The following PAN2 variants were observed in gnomAD, a reference collection of about 807,000 sequenced individuals.
PAN2 encodes poly(A) specific ribonuclease subunit PAN2.
In PAN2, 68 loss-of-function variants were observed where a neutral mutation model predicts 133.3. The ratio of observed to expected loss-of-function variants is 0.51; its 90% confidence interval spans 0.42 to 0.62. The LOEUF (loss-of-function observed/expected upper bound fraction) is 0.62, where lower values mean the gene tolerates loss of function less well. PAN2 is among the 20% of genes least tolerant of loss of function. The pLI is 0.00. For synonymous variants in PAN2, 462 were observed against 544.6 expected, an observed-to-expected ratio of 0.85 and a Z score of 2.11; for missense variants, 1,042 against 1,500.5, an observed-to-expected ratio of 0.69 and a Z score of 5.05.
At chr12:56,331,512 G>GT (rs1196304477) in intron 2 of PAN2, among the ~76,000 whole-genome samples, 1 of 152,194 alleles carries the variant, frequency 6.6e-6, no homozygotes, top group African/African-American at 2.4e-5. Flanking sequence ...TTTTGTATAT[G>GT]TTTTTTACCT....
chr12:56,320,771 G>A (rs12301786), intron 20 of PAN2, among the ~76,000 whole-genome samples: 30 of 96,032 alleles, frequency 3.1e-4, no homozygotes, highest in Admixed American at 5.4e-4. Flanking sequence ...TTTTTTTTAA[G>A]ACAGGGTCTC....
chr12:56,324,589 G>A lies in PAN2; in HGVS notation c.1720C>T (p.Pro574Ser). The part of the protein sequence containing the change: ...FHMLDLSRGD[P>S]CQGNNFLRAF... The stretch of plus-strand genomic sequence containing the variant: ...TGTCTCCAAGTACTGACCTGGCAAG[G>A]GTCACCACGAGAGAGGTCCAACATG... Residue 574 changes from proline to serine, a missense_variant, in exon 11 of 26, where the codon CCT becomes TCT. Physicochemically the swap from Pro to Ser is moderately conservative, Grantham distance 74. Coordinates refer to ENST00000440411, the MANE Select transcript of PAN2 (RefSeq NM_014871.6). 1 of 1,613,906 alleles carries A rather than the reference G, an allele frequency of 6.2e-7. No homozygotes were observed. The highest frequency in any genetic ancestry group is 8.5e-7 in the Non-Finnish European group (1 of 1,179,908).
intron 12 of PAN2, 28 bp from the exon 13 acceptor site, chr12:56,324,213 C>A: frequency 6.2e-7 from 1 of 1,612,596 alleles, no homozygotes; most frequent in South Asian, 1.1e-5. Context: ...GATATATGCA[C>A]ATTGAGGAAG....
chr12:56,317,744 G>A, intron 25 of PAN2, 101 bp from the exon 26 acceptor site: 1 of 928,812 alleles, frequency 1.1e-6, no homozygotes, highest in African/African-American at 1.6e-5. Flanking sequence ...AAAGGGCATG[G>A]ACCTTCCCTG....
intron 11 of PAN2, 23 bp from the exon 12 acceptor site, chr12:56,324,516 G>T: frequency 6.2e-7 from 1 of 1,612,536 alleles, no homozygotes; most frequent in Non-Finnish European, 8.5e-7. Context: ...TGGTGGAAAG[G>T]GGTTATTTTG....
chr12:56,318,690 TTTTA>T (rs1438901494), intron 24 of PAN2: 7 of 468,318 alleles, frequency 1.5e-5, no homozygotes, highest in African/African-American at 2.0e-5. Flanking sequence ...CCCCCCATGC[TTTTA>T]TTTTTTATAT....
At position 56,325,095 on chromosome 12, in the gene PAN2, C is replaced by T. The variant is rs761628116; in HGVS notation, c.1513G>A (p.Asp505Asn). 2.5e-6 allele frequency: 4 copies of T among 1,613,750 alleles called. No homozygotes were observed. The South Asian group carries it at 3.3e-5, about 13-fold the overall frequency. ...TIKYSKLGLE[D>N]FDFKHYNKTL... ...TTATTGTAGTGTTTGAAGTCAAAGTCCTCCAGCCCTAGCTTGGAATATTTG... is the reference window on the plus strand; with the variant it reads ...TTATTGTAGTGTTTGAAGTCAAAGTTCTCCAGCCCTAGCTTGGAATATTTG... Residue 505 changes from aspartate (D) to asparagine (N), a missense_variant, in exon 10 of 26, where the codon GAC (aspartate) becomes AAC (asparagine). Asp to Asn is a conservative substitution (Grantham distance 23). Around this residue, in one of 3 missense-constraint regions of PAN2, gnomAD observed 908 missense variants for 1,223.5 expected, o/e 0.74. Coordinates refer to ENST00000440411, the MANE Select transcript of PAN2 (RefSeq NM_014871.6).
rs752756754 is a variant in PAN2, at chr12:56,326,401, G to A, written c.1271C>T (p.Pro424Leu). ...ANSAPAPRRA[P>L]PVDAEILRTM... ...GCGCAGAATCTCTGCATCCACGGGTGGTGCTCGCCTACAATCCAGCATAGT... is the reference window on the plus strand; with the variant it reads ...GCGCAGAATCTCTGCATCCACGGGTAGTGCTCGCCTACAATCCAGCATAGT... The change falls in exon 8 of 26, where the codon CCA becomes CTA. Residue 424 changes from proline (P) to leucine (L), a missense_variant. This residue lies in a region of PAN2 where 908 missense variants were observed against 1,223.5 expected (regional missense o/e 0.74). Transcript: ENST00000440411. The A allele has an allele frequency of 6.3e-7, 1 of 1,590,986 alleles. No homozygotes were observed. Among genetic ancestry groups the A allele is most frequent in the South Asian group, 1.1e-5 (1 of 89,034 alleles).
intron 14 of PAN2, 97 bp from the exon 15 acceptor site, chr12:56,323,695 C>A: frequency 1.4e-6 from 2 of 1,401,924 alleles, no homozygotes; most frequent in Non-Finnish European, 2.0e-6. Flanking sequence ...GGATTCCTCA[C>A]TCCACCAGAG....
intron 2 of PAN2, among the ~76,000 whole-genome samples, chr12:56,332,411 G>T (rs1875987388): frequency 6.6e-6 from 1 of 152,000 alleles, no homozygotes; most frequent in Non-Finnish European, 1.5e-5. Context: ...AGACAAGCCT[G>T]GGCAACATAG....
rs192249493 is a variant in PAN2, at chr12:56,322,677, G to A, written c.2575C>T (p.Arg859Cys). ...TGAGCCACCAGGCTGCCCCCTGTGC[G>A]TGAGTCCAGGATGTGTACCACAGTA... is the stretch of plus-strand genomic sequence containing the variant. ...MATVVHILDS[R>C]TGGSLVAHIK... Residue 859 changes from arginine (R) to cysteine (C), a missense_variant, in exon 18 of 26, where the codon CGC (arginine) becomes TGC (cysteine). Transcript: ENST00000440411. 1.2e-4 allele frequency: 193 copies of A among 1,614,154 alleles called. No homozygotes were observed. The Admixed American group carries it at 1.6e-3, about 14-fold the overall frequency.
chr12:56,332,568 C>T (rs1023675075), intron 2 of PAN2, among the ~76,000 whole-genome samples: 1 of 147,640 alleles, frequency 6.8e-6, no homozygotes, highest in Non-Finnish European at 1.5e-5. Context: ...CCATTGCACT[C>T]TGGCCTAGGC....
At chr12:56,322,536 CTG>C in intron 18 of PAN2, 54 bp from the exon 19 acceptor site, 1 of 1,610,148 alleles carries the variant, frequency 6.2e-7, no homozygotes, top group Non-Finnish European at 8.5e-7. Flanking sequence ...CTGGACCACT[CTG>C]TCTCAGACTC....
Position 56,322,414 on chromosome 12 carries a change from G to T in PAN2, c.2697+9C>A, listed in dbSNP as rs1394959293. The T allele has an allele frequency of 1.2e-6, 2 of 1,601,452 alleles. No homozygotes were observed. Among genetic ancestry groups the T allele is most frequent in the Non-Finnish European group, 1.7e-6 (2 of 1,168,600 alleles). On this transcript the variant is annotated intron_variant, in intron 19 of 25. Transcript: ENST00000440411. ...AATGAAAGAAGAAACAGAACATGTT[G>T]CAACTAACCTTATCAATAGGTTCAA... is the stretch of plus-strand genomic sequence containing the variant.
Position 56,323,398 on chromosome 12 carries a change from A to G in PAN2, c.2272-14T>C, listed in dbSNP as rs1314334428. ...CTTGAAGGCAACCTGAACACAGAAG[A>G]AAAACATCCAGTTCTTCAGGAATGT... On this transcript the variant is annotated splice_polypyrimidine_tract_variant and intron_variant, in intron 15 of 25. Coordinates refer to ENST00000440411, the MANE Select transcript of PAN2 (RefSeq NM_014871.6). 2 of 1,612,442 alleles carry G rather than the reference A, an allele frequency of 1.2e-6. No individual in the cohort carries two copies. The highest frequency in any genetic ancestry group is 1.7e-6 in the Non-Finnish European group (2 of 1,179,466).
rs1874620022 is a variant in PAN2, at chr12:56,322,144, T to G, written c.2722A>C (p.Asn908His). 9 of 1,607,930 alleles carry G rather than the reference T, an allele frequency of 5.6e-6. No homozygotes were observed. In the African/African-American group the frequency reaches 6.7e-5, roughly 12 times the overall value. ...DKHEAVQFDM[N>H]WKVPAILYYV... ...TAAAGGATTGCAGGTACTTTCCAATTCATGTCAAACTGCACAGCTTCATGC... is the reference window on the plus strand; with the variant it reads ...TAAAGGATTGCAGGTACTTTCCAATGCATGTCAAACTGCACAGCTTCATGC... Residue 908 changes from asparagine to histidine, a missense_variant, in exon 20 of 26, where the codon AAT (asparagine) becomes CAT (histidine). Asn to His is a moderately conservative substitution (Grantham distance 68, BLOSUM62 1). Transcript: ENST00000440411.
chr12:56,328,579 G>C lies in PAN2; in HGVS notation c.345C>G (p.Gly115=), dbSNP rs1875379883. Residue 115 remains glycine, a synonymous_variant, in exon 3 of 26, where the codon GGC becomes GGG. Coordinates refer to ENST00000440411, the MANE Select transcript of PAN2 (RefSeq NM_014871.6). The part of the protein sequence containing the change: ...LERYSSFQVN[G]SDDIRQIQSL... ...TCTGGATCTGCCGAATATCATCACTGCCATTGACTTGAAAGGATGAGTAGC... is the reference window on the plus strand; with the variant it reads ...TCTGGATCTGCCGAATATCATCACTCCCATTGACTTGAAAGGATGAGTAGC... The C allele has an allele frequency of 6.2e-7, 1 of 1,614,016 alleles. No homozygotes were observed. Among genetic ancestry groups the C allele is most frequent in the African/African-American group, 1.3e-5 (1 of 74,950 alleles).
At chr12:56,320,466 C>T (rs912730140) in intron 20 of PAN2, among the ~76,000 whole-genome samples, 7 of 151,178 alleles carry the variant, frequency 4.6e-5, no homozygotes, top group Non-Finnish European at 1.0e-4. Context: ...GGTGAAACCC[C>T]GTCTCTACTA....
Position 56,325,356 on chromosome 12 carries a change from C to G in PAN2, c.1458G>C (p.Met486Ile), listed in dbSNP as rs1359843242. The G allele has an allele frequency of 6.2e-7, 1 of 1,614,048 alleles. No homozygotes were observed. Among genetic ancestry groups the G allele is most frequent in the African/African-American group, 1.3e-5 (1 of 74,908 alleles). ...VGREEEPHLH[M>I]VSKKYRKVTI... The stretch of plus-strand genomic sequence containing the variant: ...GCACCTTGCGGTATTTCTTAGAAAC[C>G]ATGTGGAGATGTGGTTCCTCTTCTC... Residue 486 changes from methionine (M) to isoleucine (I), a missense_variant, in exon 9 of 26, where the codon ATG (methionine) becomes ATC (isoleucine). Physicochemically the swap from Met to Ile is conservative, Grantham distance 10. This residue lies in a region of PAN2 where 908 missense variants were observed against 1,223.5 expected (regional missense o/e 0.74). Transcript: ENST00000440411.
Sources: gnomAD v4.1 joint callset for allele counts (sites outside exome capture counted in the v4.1 genomes callset) on GRCh38, gnomAD v4.1.1 for gene constraint, gnomAD v4.1.1 regional missense constraint, MANE v1.5 for transcripts, NCBI Gene and HGNC (gene_info 2026-07-23, HGNC 2026-07-21) for gene names.